The following LDB2 variants were observed in gnomAD, a reference collection of about 807,000 sequenced individuals.
LDB2 encodes the protein LIM domain binding 2, also known as LIM domain-binding protein 2.
Under a neutral mutation model 44.3 loss-of-function variants are expected in LDB2, and 12 were observed. That is an observed-to-expected ratio of 0.27 (90% confidence interval 0.17 to 0.44). The LOEUF is 0.44. Among genes scored for constraint, LDB2 ranks in the 20% least tolerant of loss-of-function variants. The pLI, the probability that LDB2 is intolerant of heterozygous loss-of-function variation, is 1.00. For synonymous variants in LDB2, 164 were observed against 174.8 expected (o/e 0.94, Z 0.49); for missense variants, 344 against 473.5 (o/e 0.73, Z 2.54).
At chr4:16,614,633 G>A (rs1200335631) in intron 2 of LDB2, among the ~76,000 whole-genome samples, 3 of 132,900 alleles carry the variant, frequency 2.3e-5, no homozygotes, top group African/African-American at 7.9e-5. Flanking sequence ...GTGGGCAAAG[G>A]ATATGAACAG....
chr4:16,766,650 C>T (rs551816565), intron 1 of LDB2, among the ~76,000 whole-genome samples: 13 of 151,608 alleles, frequency 8.6e-5, no homozygotes, highest in East Asian at 5.9e-4. Flanking sequence ...GGATTATAGG[C>T]GCCCACCACC....
At chr4:16,717,401 A>G (rs1757305199) in intron 2 of LDB2, among the ~76,000 whole-genome samples, 1 of 152,016 alleles carries the variant, frequency 6.6e-6, no homozygotes, top group South Asian at 2.1e-4. Context: ...TCCAACCCCA[A>G]TCATACCCCC....
At chr4:16,702,544 C>G (rs917706904) in intron 2 of LDB2, among the ~76,000 whole-genome samples, 1 of 152,214 alleles carries the variant, frequency 6.6e-6, no homozygotes, top group African/African-American at 2.4e-5. Context: ...GTGAAAGAAG[C>G]TGCTTCTGTG....
chr4:16,799,944 A>G (rs1411066224), intron 1 of LDB2, among the ~76,000 whole-genome samples: 3 of 152,232 alleles, frequency 2.0e-5, no homozygotes, highest in Non-Finnish European at 4.4e-5. Flanking sequence ...GAAACCTGGC[A>G]ACCCTACATA....
At chr4:16,637,299 A>ATTTTTTTTTTTTTTTTTTTTTTT (rs34484721) in intron 2 of LDB2, among the ~76,000 whole-genome samples, 5 of 85,480 alleles carry the variant, frequency 5.8e-5, no homozygotes, top group African/African-American at 4.9e-5. Flanking sequence ...GCCTAGGCTG[A>ATTTTTTTTTTTTTTTTTTTTTTT]TTTTTTTTTT....
At chr4:16,596,018 C>CAAATTTCTCTTTAA in intron 2 of LDB2, 143 bp from the exon 3 acceptor site, 1 of 762,198 alleles carries the variant, frequency 1.3e-6, no homozygotes, top group East Asian at 2.8e-5. Flanking sequence ...TCTTTAAAAA[C>CAAATTTCTCTTTAA]AGCCATGACC....
At chr4:16,691,670 CT>C (rs1348880469) in intron 2 of LDB2, among the ~76,000 whole-genome samples, 1 of 152,196 alleles carries the variant, frequency 6.6e-6, no homozygotes, top group Non-Finnish European at 1.5e-5. Context: ...GGACTATTAG[CT>C]TTGGCAGCTT....
At chr4:16,704,428 G>T (rs157627) in intron 2 of LDB2, among the ~76,000 whole-genome samples, 36,749 of 152,112 alleles carry the variant, frequency 0.24, 5,117 homozygotes, top group Non-Finnish European at 0.33. Context: ...TTTTTTGATG[G>T]TATGGGGAGT....
At chr4:16,514,671 G>A (rs926953447) in intron 5 of LDB2, among the ~76,000 whole-genome samples, 1 of 152,158 alleles carries the variant, frequency 6.6e-6, no homozygotes, top group Non-Finnish European at 1.5e-5. Flanking sequence ...TAAGATTAAA[G>A]CCTGAACAAC....
At chr4:16,707,928 G>A (rs2152651973) in intron 2 of LDB2, among the ~76,000 whole-genome samples, 1 of 152,274 alleles carries the variant, frequency 6.6e-6, no homozygotes, top group Middle Eastern at 3.4e-3. Context: ...AGCTCTACAT[G>A]CAAACTTAGA....
chr4:16,644,552 C>T (rs536032137), intron 2 of LDB2, among the ~76,000 whole-genome samples: 11 of 152,000 alleles, frequency 7.2e-5, no homozygotes, highest in African/African-American at 1.9e-4. Flanking sequence ...CTCAGCCTCC[C>T]GAGTAGCTGG....
intron 1 of LDB2, among the ~76,000 whole-genome samples, chr4:16,872,039 A>G (rs1174407560): frequency 6.6e-6 from 1 of 152,206 alleles, no homozygotes; most frequent in East Asian, 1.9e-4. Context: ...AGAATTTATA[A>G]TAAAAAATAT....
At chr4:16,594,532 C>T (rs140615352) in intron 3 of LDB2, among the ~76,000 whole-genome samples, 164 of 152,230 alleles carry the variant, frequency 1.1e-3, no homozygotes, top group Non-Finnish European at 1.9e-3. Flanking sequence ...ATTAAGATGC[C>T]GTAGAATTAA....
chr4:16,873,463 C>T (rs551347367), intron 1 of LDB2, among the ~76,000 whole-genome samples: 8 of 151,708 alleles, frequency 5.3e-5, no homozygotes, highest in South Asian at 2.1e-4. Flanking sequence ...TTAACCTTGA[C>T]GGTGTTAATG....
At chr4:16,698,198 G>GT (rs1175966634) in intron 2 of LDB2, among the ~76,000 whole-genome samples, 2 of 151,902 alleles carry the variant, frequency 1.3e-5, no homozygotes, top group East Asian at 1.9e-4. Flanking sequence ...TTCCAGTTTT[G>GT]TTTTTTATTT....
intron 2 of LDB2, among the ~76,000 whole-genome samples, chr4:16,698,050 G>A (rs543659162): frequency 9.5e-4 from 145 of 152,244 alleles, no homozygotes; most frequent in Non-Finnish European, 1.5e-3. Flanking sequence ...CCTGTTCAAC[G>A]TTCTACTTTT....
intron 5 of LDB2, among the ~76,000 whole-genome samples, chr4:16,532,126 T>G (rs901609141): frequency 5.3e-5 from 8 of 152,206 alleles, no homozygotes; most frequent in African/African-American, 1.9e-4. Context: ...CTCTTTCCAC[T>G]TACTCCCTTT....
intron 1 of LDB2, among the ~76,000 whole-genome samples, chr4:16,809,014 A>G (rs1779289594): frequency 6.6e-6 from 1 of 152,174 alleles, no homozygotes; most frequent in African/African-American, 2.4e-5. Flanking sequence ...CCTAAGAATT[A>G]TATGTCATTT....
At chr4:16,854,709 A>G (rs1255387374) in intron 1 of LDB2, among the ~76,000 whole-genome samples, 2 of 137,052 alleles carry the variant, frequency 1.5e-5, no homozygotes, top group Non-Finnish European at 3.2e-5. Context: ...ATTATAATAT[A>G]TATGTGTATA....
Sources: allele counts gnomAD v4.1 joint callset (sites outside exome capture counted in the v4.1 genomes callset), GRCh38; gene constraint gnomAD v4.1.1; transcripts MANE v1.5; gene names NCBI Gene and HGNC (gene_info 2026-07-23, HGNC 2026-07-21).